Variants in MAPDA observed in about 807,000 individuals in gnomAD.
MAPDA encodes the protein N6,N6-dimethyl-AMP deaminase.
the MAPDA span, among the ~76,000 whole-genome samples, chr15:43,337,445 C>G: frequency 1.3e-5 from 2 of 152,114 alleles, no homozygotes; most frequent in Non-Finnish European, 2.9e-5. Context: ...GGAAATTGTG[C>G]TTTCCCTCTG....
At chr15:43,333,749 A>G in the MAPDA span, among the ~76,000 whole-genome samples, 1 of 152,252 alleles carries the variant, frequency 6.6e-6, no homozygotes, top group East Asian at 1.9e-4. Context: ...ATTAAAGATA[A>G]CATTATTAAA....
At chr15:43,343,046 CA>C in the MAPDA span, 1 of 1,586,724 alleles carries the variant, frequency 6.3e-7, no homozygotes. Context: ...TAAAACAGTC[CA>C]AACAAGAAAA....
chr15:43,330,554 C>A, the MAPDA span: 1 of 1,480,610 alleles, frequency 6.8e-7, no homozygotes, highest in Middle Eastern at 2.4e-4. Flanking sequence ...TTAGCACACA[C>A]CTCACGGACC....
At chr15:43,345,359 A>C in the MAPDA span, among the ~76,000 whole-genome samples, 1 of 128,722 alleles carries the variant, frequency 7.8e-6, no homozygotes, top group Admixed American at 7.2e-5. Flanking sequence ...CATCTCAAAA[A>C]AAAAAAAAAA....
the MAPDA span, chr15:43,335,274 C>T: frequency 1.1e-5 from 14 of 1,240,718 alleles, no homozygotes; most frequent in Non-Finnish European, 1.6e-5. Context: ...GTGGCTCATG[C>T]CTGAAATTCT....
At chr15:43,340,500 C>A in the MAPDA span, 1 of 642,896 alleles carries the variant, frequency 1.6e-6, no homozygotes, top group South Asian at 2.0e-5. Flanking sequence ...CAGTCCAAGT[C>A]CTCTCTCTGA....
At chr15:43,334,994 TG>T in the MAPDA span, 1 of 964,838 alleles carries the variant, frequency 1.0e-6, no homozygotes, top group Non-Finnish European at 1.6e-6. Context: ...CCAAAATGTG[TG>T]GAAGTAAAGC....
chr15:43,333,764 C>T, the MAPDA span, among the ~76,000 whole-genome samples: 1 of 152,216 alleles, frequency 6.6e-6, no homozygotes, highest in South Asian at 2.1e-4. Flanking sequence ...ATTAAAAGCG[C>T]TTGTCACATA....
chr15:43,338,759 G>T, the MAPDA span, among the ~76,000 whole-genome samples: 1 of 152,226 alleles, frequency 6.6e-6, no homozygotes, highest in Non-Finnish European at 1.5e-5. Flanking sequence ...GGCAAACACA[G>T]ATGTAGACCC....
At chr15:43,345,988 AT>A in the MAPDA span, 1 of 1,613,732 alleles carries the variant, frequency 6.2e-7, no homozygotes, top group East Asian at 2.2e-5. Flanking sequence ...ACTGTAAGTT[AT>A]TTTTCCTACG....
the MAPDA span, chr15:43,352,551 C>A: frequency 6.6e-6 from 1 of 152,012 alleles, no homozygotes; most frequent in Non-Finnish European, 1.5e-5. Flanking sequence ...AAACAAAAAA[C>A]CGGAAATTAG....
chr15:43,335,751 T>C, the MAPDA span: 3 of 1,613,944 alleles, frequency 1.9e-6, no homozygotes, highest in East Asian at 2.2e-5. Flanking sequence ...AAGAAATTAA[T>C]AGCCCAGAAG....
At chr15:43,341,576 T>C in the MAPDA span, among the ~76,000 whole-genome samples, 1 of 152,010 alleles carries the variant, frequency 6.6e-6, no homozygotes. Flanking sequence ...CAGTGGCTCA[T>C]GCCTGTAATT....
At chr15:43,346,887 C>A in the MAPDA span, 8 of 713,134 alleles carry the variant, frequency 1.1e-5, no homozygotes, top group East Asian at 5.3e-5. Context: ...GCTTTATAAA[C>A]AAGATGTGCA....
chr15:43,335,021 C>A, the MAPDA span: 2 of 1,355,330 alleles, frequency 1.5e-6, no homozygotes, highest in East Asian at 2.4e-5. Flanking sequence ...GAAGGAAATT[C>A]AGTACCATAC....
chr15:43,330,595 C>G, the MAPDA span: 1 of 1,301,206 alleles, frequency 7.7e-7, no homozygotes, highest in Non-Finnish European at 1.0e-6. Context: ...ACCCATGCTC[C>G]TGGACTTCCC....
At chr15:43,351,797 A>C in the MAPDA span, 2 of 1,551,494 alleles carry the variant, frequency 1.3e-6, no homozygotes, top group African/African-American at 2.7e-5. Context: ...CAAGAGTACC[A>C]GCTGGCAGCT....
At chr15:43,352,824 G>A in the MAPDA span, 2 of 152,252 alleles carry the variant, frequency 1.3e-5, no homozygotes, top group Non-Finnish European at 2.9e-5. Flanking sequence ...TAGGTGCTGA[G>A]ATCTGGTTTT....
the MAPDA span, among the ~76,000 whole-genome samples, chr15:43,334,633 T>TTATATA: frequency 3.9e-3 from 254 of 65,148 alleles, 24 homozygotes; most frequent in Non-Finnish European, 7.8e-3. Context: ...CTCAAAAAAA[T>TTATATA]TATATATATA....
Sources: gnomAD v4.1 joint callset for allele counts (sites outside exome capture counted in the v4.1 genomes callset) on GRCh38, gnomAD v4.1.1 for gene constraint, MANE v1.5 for transcripts, NCBI Gene and HGNC (gene_info 2026-07-23, HGNC 2026-07-21) for gene names.